The following RAB11FIP4 variants were observed in gnomAD, a reference collection of about 807,000 sequenced individuals.
RAB11FIP4 encodes RAB11 family interacting protein 4.
RAB11FIP4 carries 23 observed loss-of-function variants against 74.3 expected under a neutral mutation model. The observed-to-expected ratio is 0.31, with a 90% CI of 0.22 to 0.44. The LOEUF (loss-of-function observed/expected upper bound fraction) is 0.44. Ranked by LOEUF, RAB11FIP4 falls within the 20% of genes least tolerant of loss-of-function variation. RAB11FIP4 has a pLI of 1.00. For synonymous variants in RAB11FIP4, 360 were observed against 359.9 expected (o/e 1.00, Z 0.00); for missense variants, 630 against 863.9 (o/e 0.73, Z 3.39).
At chr17:31,530,287 C>T in intron 13 of RAB11FIP4, 39 bp from the exon 14 acceptor site, 3 of 1,609,874 alleles carry the variant, frequency 1.9e-6, no homozygotes, top group Non-Finnish European at 2.5e-6. Flanking sequence ...CTGTGGATGC[C>T]TCTTGGGGTT....
At position 31,406,023 on chromosome 17, in the gene RAB11FIP4, G is replaced by C. The variant is rs1861459251; in HGVS notation, c.159+14012G>C. Among the ~76,000 whole-genome samples the C allele has an allele frequency of 3.3e-5, 5 of 152,130 alleles. No individual in the cohort carries two copies. The South Asian group carries it at 6.2e-4, about 19-fold the overall frequency. ...CAGACACTCTGCTCTGCCCAGCCCA[G>C]CTCACTGAGCCCAGCCCACCTGGCA... On this transcript the variant is annotated intron_variant, in intron 1 of 14. Transcript: ENST00000621161.
intron 1 of RAB11FIP4, among the ~76,000 whole-genome samples, chr17:31,408,945 A>G (rs971196712): frequency 6.6e-6 from 1 of 152,252 alleles, no homozygotes; most frequent in African/African-American, 2.4e-5. Flanking sequence ...GCTATGGTTC[A>G]GGGGAGGACT....
At chr17:31,484,652 T>C (rs1039579279) in intron 3 of RAB11FIP4, among the ~76,000 whole-genome samples, 4 of 151,736 alleles carry the variant, frequency 2.6e-5, no homozygotes, top group African/African-American at 9.7e-5. Flanking sequence ...CTATCATTGC[T>C]TCTCTGAACC....
chr17:31,530,259 G>C (rs79513822), intron 13 of RAB11FIP4, 67 bp from the exon 14 acceptor site: 1 of 1,585,598 alleles, frequency 6.3e-7, no homozygotes, highest in African/African-American at 1.3e-5. Flanking sequence ...TGGATGTGGA[G>C]AAGTGGGTTC....
At chr17:31,527,706 T>C (rs1030148518) in intron 10 of RAB11FIP4, 136 bp from the exon 11 acceptor site, 3 of 628,260 alleles carry the variant, frequency 4.8e-6, no homozygotes, top group South Asian at 2.3e-5. Flanking sequence ...TTTGACATAA[T>C]AATCATATTC....
intron 1 of RAB11FIP4, among the ~76,000 whole-genome samples, chr17:31,414,571 C>T (rs1328605368): frequency 6.6e-6 from 1 of 152,228 alleles, no homozygotes; most frequent in Non-Finnish European, 1.5e-5. Flanking sequence ...TGATGACACT[C>T]AGATGGATGG....
At chr17:31,501,208 G>A (rs1275865748) in intron 3 of RAB11FIP4, among the ~76,000 whole-genome samples, 1 of 144,076 alleles carries the variant, frequency 6.9e-6, no homozygotes, top group South Asian at 2.2e-4. Flanking sequence ...TTTTTTTTAG[G>A]ACAGACCAAA....
chr17:31,500,197 C>G (rs1257838267), intron 3 of RAB11FIP4, among the ~76,000 whole-genome samples: 4 of 152,106 alleles, frequency 2.6e-5, no homozygotes, highest in Non-Finnish European at 5.9e-5. Flanking sequence ...TGTGGGTTTT[C>G]CTTGGAGATG....
Position 31,537,282 on chromosome 17 carries a change from C to T in RAB11FIP4, c.*5550C>T, listed in dbSNP as rs564882719. ...CTCCCCCAGGTGAGGCCAGCTCTCC[C>T]GGGCACATTCGTCCACAAGGATCAG... On this transcript the variant is annotated 3_prime_UTR_variant, in exon 15 of 15. Transcript: ENST00000621161. The T allele has an allele frequency of 1.3e-5, 5 of 398,726 alleles. No individual in the cohort carries two copies. The highest frequency in any genetic ancestry group is 6.3e-4 in the Middle Eastern group (1 of 1,590). 24.7% of individuals were successfully genotyped at this position (398,726 alleles called of 1,614,324 possible).
chr17:31,460,568 G>T (rs1386747658), intron 3 of RAB11FIP4, among the ~76,000 whole-genome samples: 1 of 152,192 alleles, frequency 6.6e-6, no homozygotes, highest in East Asian at 1.9e-4. Context: ...AGAAATGTTG[G>T]TGGCTATAAA....
chr17:31,523,066 A>G (rs115644859), intron 7 of RAB11FIP4: 2,759 of 217,874 alleles, frequency 0.013, 81 homozygotes, highest in African/African-American at 0.058. Flanking sequence ...CATCCCCCAG[A>G]GTTCCCAGAG....
At chr17:31,436,856 C>G (rs1014421181) in intron 3 of RAB11FIP4, among the ~76,000 whole-genome samples, 1 of 150,858 alleles carries the variant, frequency 6.6e-6, no homozygotes, top group Non-Finnish European at 1.5e-5. Context: ...GGTGCAATCT[C>G]GGTTCACTGC....
intron 3 of RAB11FIP4, among the ~76,000 whole-genome samples, chr17:31,436,774 GTTTTTTGTT>G (rs56682350): frequency 0.54 from 78,454 of 146,034 alleles, 21,044 homozygotes; most frequent in Admixed American, 0.62. Context: ...GTTTTTTTTT[GTTTTTTGTT>G]TTTTTTGTTT....
intron 3 of RAB11FIP4, among the ~76,000 whole-genome samples, chr17:31,467,906 A>G (rs2071700785): frequency 6.6e-6 from 1 of 152,236 alleles, no homozygotes; most frequent in Non-Finnish European, 1.5e-5. Flanking sequence ...AGCAAGTGGA[A>G]GGCCTGCCCT....
chr17:31,499,640 C>T (rs2072181330), intron 3 of RAB11FIP4, among the ~76,000 whole-genome samples: 1 of 152,214 alleles, frequency 6.6e-6, no homozygotes, highest in Non-Finnish European at 1.5e-5. Flanking sequence ...CAGGCATGAG[C>T]CACCGCACCT....
At chr17:31,423,434 C>T (rs549011480) in intron 1 of RAB11FIP4, among the ~76,000 whole-genome samples, 1 of 152,308 alleles carries the variant, frequency 6.6e-6, no homozygotes, top group South Asian at 2.1e-4. Flanking sequence ...TTGGCATGAT[C>T]ATGGCTCACT....
chr17:31,513,451 C>G (rs369075086), intron 3 of RAB11FIP4, among the ~76,000 whole-genome samples: 1 of 152,140 alleles, frequency 6.6e-6, no homozygotes, highest in Non-Finnish European at 1.5e-5. Flanking sequence ...CCCTCCAGGC[C>G]GGCGGGAGAA....
At chr17:31,478,861 C>T (rs2071820374) in intron 3 of RAB11FIP4, among the ~76,000 whole-genome samples, 1 of 152,238 alleles carries the variant, frequency 6.6e-6, no homozygotes, top group Non-Finnish European at 1.5e-5. Flanking sequence ...CTGAGCTGGA[C>T]AGCAGACACC....
chr17:31,461,727 T>C (rs1386135659), intron 3 of RAB11FIP4, among the ~76,000 whole-genome samples: 4 of 151,974 alleles, frequency 2.6e-5, no homozygotes, highest in Non-Finnish European at 5.9e-5. Flanking sequence ...CAGCCTTTTT[T>C]TTTTTTTTGA....
Sources: allele counts gnomAD v4.1 joint callset (sites outside exome capture counted in the v4.1 genomes callset), GRCh38; gene constraint gnomAD v4.1.1; transcripts MANE v1.5; gene names NCBI Gene and HGNC (gene_info 2026-07-23, HGNC 2026-07-21).